The following FSAF1 variants were observed in gnomAD, a reference collection of about 807,000 sequenced individuals.
The protein encoded by FSAF1 is uncharacterized protein C1orf131.
chr1:231,226,585 C>T, the FSAF1 span: 2 of 709,864 alleles, frequency 2.8e-6, no homozygotes, highest in Non-Finnish European at 4.9e-6. Context: ...GCTGGTATTA[C>T]TAAACAGAGC....
the FSAF1 span, chr1:231,238,990 G>C: frequency 6.2e-7 from 1 of 1,614,014 alleles, no homozygotes; most frequent in Non-Finnish European, 8.5e-7. Context: ...TGGTCCTGTG[G>C]GGGTCCCAGA....
the FSAF1 span, chr1:231,238,137 G>C: frequency 2.0e-5 from 3 of 152,066 alleles, no homozygotes; most frequent in South Asian, 2.1e-4. Context: ...AGCTAAGATC[G>C]TGCCACTGCA....
chr1:231,225,510 T>A, the FSAF1 span: 8 of 1,613,670 alleles, frequency 5.0e-6, no homozygotes, highest in Non-Finnish European at 6.8e-6. Context: ...CTTGAAAATA[T>A]CTGTTTCTTG....
chr1:231,234,987 AG>A, the FSAF1 span, among the ~76,000 whole-genome samples: 1 of 152,230 alleles, frequency 6.6e-6, no homozygotes, highest in Admixed American at 6.5e-5. This position sits in a 1 kb window ranked among gnomAD's most constrained non-coding sequence, Gnocchi z 4.0. Flanking sequence ...ATGGTACTCC[AG>A]GACCCTATTT....
At chr1:231,239,944 AAT>A in the FSAF1 span, among the ~76,000 whole-genome samples, 4 of 152,342 alleles carry the variant, frequency 2.6e-5, no homozygotes, top group African/African-American at 9.6e-5. Flanking sequence ...TATTTTGCAG[AAT>A]AGTCTTTTCC....
At chr1:231,232,317 G>A in the FSAF1 span, among the ~76,000 whole-genome samples, 6 of 152,154 alleles carry the variant, frequency 3.9e-5, no homozygotes, top group Admixed American at 3.3e-4. Context: ...TCTACTTGAT[G>A]CTAGGAATGC....
the FSAF1 span, among the ~76,000 whole-genome samples, chr1:231,231,533 C>A: frequency 6.6e-6 from 1 of 152,136 alleles, no homozygotes; most frequent in Non-Finnish European, 1.5e-5. Flanking sequence ...CGGGGTCTCA[C>A]TCTGTCGCCA....
chr1:231,235,273 G>A, the FSAF1 span, among the ~76,000 whole-genome samples: 3 of 152,138 alleles, frequency 2.0e-5, no homozygotes, highest in African/African-American at 7.2e-5. Context: ...GGCCAAGGAG[G>A]GCAGATCACG....
At chr1:231,226,644 A>G in the FSAF1 span, 12 of 1,155,518 alleles carry the variant, frequency 1.0e-5, no homozygotes, top group African/African-American at 1.5e-5. Context: ...TGGTGCCTTC[A>G]TTGCTCTCCA....
At chr1:231,236,595 C>T in the FSAF1 span, 1 of 152,178 alleles carries the variant, frequency 6.6e-6, no homozygotes. Flanking sequence ...AATCCCAACT[C>T]TTCTGTCTTT....
the FSAF1 span, among the ~76,000 whole-genome samples, chr1:231,239,899 C>G: frequency 3.9e-5 from 6 of 152,224 alleles, no homozygotes; most frequent in African/African-American, 1.4e-4. Context: ...AGAGCTCCTA[C>G]CATGATTTCC....
the FSAF1 span, chr1:231,239,023 C>T: frequency 6.2e-7 from 1 of 1,614,114 alleles, no homozygotes; most frequent in East Asian, 2.2e-5. Flanking sequence ...CCGCTCTTCT[C>T]TAAGTTCCTT....
At chr1:231,225,331 T>C in the FSAF1 span, 1 of 759,058 alleles carries the variant, frequency 1.3e-6, no homozygotes, top group Non-Finnish European at 2.2e-6. Context: ...TACTAAATCC[T>C]ACTTTGACAA....
chr1:231,241,046 C>A, the FSAF1 span: 92 of 1,614,014 alleles, frequency 5.7e-5, no homozygotes, highest in Admixed American at 3.2e-4. Flanking sequence ...GGTTCTGGAG[C>A]AGAGCGTCAA....
chr1:231,239,027 G>C, the FSAF1 span: 1 of 1,614,092 alleles, frequency 6.2e-7, no homozygotes, highest in East Asian at 2.2e-5. Context: ...TCTTCTCTAA[G>C]TTCCTTGAAG....
chr1:231,224,777 C>T, the FSAF1 span: 4 of 216,216 alleles, frequency 1.8e-5, no homozygotes, highest in East Asian at 3.3e-4. Context: ...CTTGCCAGTA[C>T]CTGATATCAT....
chr1:231,227,107 A>G, the FSAF1 span: 1 of 1,594,592 alleles, frequency 6.3e-7, no homozygotes, highest in Admixed American at 1.7e-5. Flanking sequence ...AGTGCATTCC[A>G]ACAACTCCAA....
the FSAF1 span, among the ~76,000 whole-genome samples, chr1:231,240,447 A>G: frequency 6.6e-6 from 1 of 152,164 alleles, no homozygotes; most frequent in Non-Finnish European, 1.5e-5. This position sits in a 1 kb window ranked among gnomAD's most constrained non-coding sequence, Gnocchi z 4.1. Flanking sequence ...CTTCCTACTG[A>G]CATGCCATGC....
At chr1:231,234,156 G>C in the FSAF1 span, among the ~76,000 whole-genome samples, 1 of 152,178 alleles carries the variant, frequency 6.6e-6, no homozygotes, top group Non-Finnish European at 1.5e-5. The surrounding 1 kb of genome is among the most constrained non-coding windows in gnomAD (Gnocchi z 4.0). Flanking sequence ...TTCGCTATAT[G>C]CTCAGGGGCG....
Sources: allele counts gnomAD v4.1 joint callset (sites outside exome capture counted in the v4.1 genomes callset), GRCh38; gene constraint gnomAD v4.1.1; non-coding constraint Gnocchi (gnomAD v3.1); transcripts MANE v1.5; gene names NCBI Gene and HGNC (gene_info 2026-07-23, HGNC 2026-07-21).